DCC: variants seen among roughly 807,000 people sequenced by gnomAD.
The protein encoded by DCC is DCC netrin 1 receptor, also known as netrin receptor DCC.
Under a neutral mutation model 172.5 loss-of-function variants are expected in DCC, and 58 were observed. That is an observed-to-expected ratio of 0.34 (90% CI 0.27 to 0.42). DCC has a LOEUF of 0.42. DCC is among the 10% of genes least tolerant of loss of function. The pLI is 1.00. For missense variants in DCC, 1,740 were observed against 1,791.0 expected (o/e 0.97, Z 0.51); for synonymous variants, 709 against 644.5 (o/e 1.10, Z -1.52).
intron 5 of DCC, among the ~76,000 whole-genome samples, chr18:52,957,606 T>C (rs749927791): frequency 3.9e-5 from 6 of 152,162 alleles, no homozygotes; most frequent in Non-Finnish European, 5.9e-5. Context: ...GTAAATGTGA[T>C]TTTAAGAGAA....
chr18:52,598,991 G>A (rs998154668), intron 1 of DCC, among the ~76,000 whole-genome samples: 7 of 152,078 alleles, frequency 4.6e-5, no homozygotes, highest in Non-Finnish European at 1.0e-4. Flanking sequence ...TGAGGGAGAG[G>A]CCCTCATAGC....
chr18:53,075,259 C>T (rs1325362878), intron 7 of DCC, among the ~76,000 whole-genome samples: 1 of 152,144 alleles, frequency 6.6e-6, no homozygotes, highest in African/African-American at 2.4e-5. Flanking sequence ...TTAATAATGA[C>T]TTGCTCATGC....
chr18:52,801,574 T>C (rs936180665), intron 2 of DCC, among the ~76,000 whole-genome samples: 2 of 152,222 alleles, frequency 1.3e-5, no homozygotes, highest in Non-Finnish European at 2.9e-5. Context: ...AGTCTATCTA[T>C]GTTTCTATCC....
intron 1 of DCC, among the ~76,000 whole-genome samples, chr18:52,715,470 T>C (rs916711508): frequency 2.6e-5 from 4 of 151,922 alleles, no homozygotes; most frequent in African/African-American, 9.7e-5. Context: ...CAGCTAATTT[T>C]TTAAATATAT....
At chr18:52,648,314 G>C (rs142388755) in intron 1 of DCC, among the ~76,000 whole-genome samples, 2,075 of 152,312 alleles carry the variant, frequency 0.014, 26 homozygotes, top group Non-Finnish European at 0.023. Flanking sequence ...CCCTCAACGT[G>C]AGAACCAGTT....
intron 1 of DCC, among the ~76,000 whole-genome samples, chr18:52,433,718 TC>T (rs1349032639): frequency 6.6e-6 from 1 of 152,212 alleles, no homozygotes; most frequent in Non-Finnish European, 1.5e-5. Context: ...AACTCTGGAT[TC>T]CCCTTTTTAA....
At chr18:53,313,026 G>A (rs981101383) in intron 13 of DCC, among the ~76,000 whole-genome samples, 10 of 130,190 alleles carry the variant, frequency 7.7e-5, no homozygotes, top group African/African-American at 2.9e-4. Flanking sequence ...GAAAGGAAGG[G>A]AAGAAGGAGG....
chr18:53,419,133 T>C (rs984933400), intron 21 of DCC, among the ~76,000 whole-genome samples: 1 of 152,104 alleles, frequency 6.6e-6, no homozygotes, highest in African/African-American at 2.4e-5. Flanking sequence ...AGATAGAAAA[T>C]CTATGCTTTA....
intron 15 of DCC, among the ~76,000 whole-genome samples, chr18:53,349,372 A>C (rs1304020815): frequency 1.3e-5 from 2 of 152,176 alleles, no homozygotes; most frequent in African/African-American, 4.8e-5. Flanking sequence ...CCATTCAACA[A>C]GTCTCTAGGA....
chr18:52,643,252 C>A (rs1343639800), intron 1 of DCC, among the ~76,000 whole-genome samples: 1 of 152,082 alleles, frequency 6.6e-6, no homozygotes, highest in Non-Finnish European at 1.5e-5. Context: ...AGATTTTCTA[C>A]CTGCCACATT....
chr18:52,592,925 A>G (rs1252902920), intron 1 of DCC, among the ~76,000 whole-genome samples: 4 of 152,150 alleles, frequency 2.6e-5, no homozygotes, highest in Non-Finnish European at 5.9e-5. Flanking sequence ...GATTACAGGC[A>G]TGAGCCACCA....
chr18:52,418,602 G>A (rs999956052), intron 1 of DCC, among the ~76,000 whole-genome samples: 1 of 152,162 alleles, frequency 6.6e-6, no homozygotes, highest in African/African-American at 2.4e-5. Context: ...ACAGAAGGTT[G>A]AGTCAAAGAC....
At chr18:52,879,411 G>GTTTTTTTTTTTTTTTTTTT (rs1568164319) in intron 2 of DCC, among the ~76,000 whole-genome samples, 1 of 44,960 alleles carries the variant, frequency 2.2e-5, no homozygotes, top group African/African-American at 8.2e-5. Flanking sequence ...ATGTTGTTTG[G>GTTTTTTTTTTTTTTTTTTT]CTTTTTTTTT....
intron 7 of DCC, among the ~76,000 whole-genome samples, chr18:53,136,213 A>ATCTATCTATCTATC (rs1488952479): frequency 0.011 from 800 of 73,898 alleles, 5 homozygotes; most frequent in East Asian, 0.028. Context: ...ATCTATCTAT[A>ATCTATCTATCTATC]TATATATACA....
At chr18:53,483,130 G>T (rs968634648) in intron 25 of DCC, among the ~76,000 whole-genome samples, 1 of 151,682 alleles carries the variant, frequency 6.6e-6, no homozygotes. Flanking sequence ...TTTCTTTAAG[G>T]AATTTATAAC....
chr18:53,068,984 T>C (rs529228564), intron 7 of DCC, among the ~76,000 whole-genome samples: 1 of 152,188 alleles, frequency 6.6e-6, no homozygotes, highest in African/African-American at 2.4e-5. Context: ...ACAGGAGCCA[T>C]ATCTGTGTCT....
chr18:52,459,037 C>T (rs969020981), intron 1 of DCC, among the ~76,000 whole-genome samples: 12 of 152,032 alleles, frequency 7.9e-5, no homozygotes, highest in African/African-American at 2.2e-4. Context: ...GCCCTGAAGC[C>T]GCCTGTAAAT....
chr18:53,145,215 G>T (rs944236045), intron 7 of DCC, among the ~76,000 whole-genome samples: 1 of 142,286 alleles, frequency 7.0e-6, no homozygotes, highest in Non-Finnish European at 1.5e-5. Flanking sequence ...CCCGGTTCTC[G>T]CCATTCTCCT....
At chr18:52,835,854 CA>C (rs1240435414) in intron 2 of DCC, among the ~76,000 whole-genome samples, 5 of 152,014 alleles carry the variant, frequency 3.3e-5, no homozygotes, top group Admixed American at 3.3e-4. Flanking sequence ...AAAAATATTT[CA>C]AAAAGATTCA....
Sources: gnomAD v4.1 joint callset for allele counts (sites outside exome capture counted in the v4.1 genomes callset) on GRCh38, gnomAD v4.1.1 for gene constraint, MANE v1.5 for transcripts, NCBI Gene and HGNC (gene_info 2026-07-23, HGNC 2026-07-21) for gene names.